Variants in ARHGAP26 observed in about 807,000 individuals in gnomAD.
The protein encoded by ARHGAP26 is rho GTPase-activating protein 26.
A neutral mutation model predicts 104.8 loss-of-function variants in ARHGAP26; 38 were observed. That is an observed-to-expected ratio of 0.36 (90% CI 0.28 to 0.48). The LOEUF (loss-of-function observed/expected upper bound fraction) is 0.48. ARHGAP26 is among the 20% of genes least tolerant of loss of function. The pLI, the probability that ARHGAP26 is intolerant of heterozygous loss-of-function variation, is 0.99. For synonymous variants in ARHGAP26, 341 were observed against 340.0 expected (o/e 1.00, Z -0.03); for missense variants, 704 against 947.9 (o/e 0.74, Z 3.38).
At chr5:143,057,508 A>G (rs1785999258) in intron 16 of ARHGAP26, 134 bp from the exon 17 acceptor site, 2 of 733,446 alleles carry the variant, frequency 2.7e-6, no homozygotes, top group Non-Finnish European at 4.7e-6. Context: ...CAGTATGCAC[A>G]CAAGACAGGA....
At chr5:143,147,098 A>C in intron 19 of ARHGAP26, 133 bp from the exon 20 acceptor site, 3 of 1,110,532 alleles carry the variant, frequency 2.7e-6, no homozygotes, top group Non-Finnish European at 3.8e-6. Context: ...AACCTTTTCT[A>C]TGTTGTTTCT....
At chr5:142,861,157 G>T (rs938690192) in intron 1 of ARHGAP26, among the ~76,000 whole-genome samples, 20 of 152,252 alleles carry the variant, frequency 1.3e-4, no homozygotes, top group African/African-American at 4.1e-4. Context: ...GGGAGGCGGG[G>T]AGCCTGGGGA....
At position 142,890,147 on chromosome 5, in the gene ARHGAP26, AAAAAATATATATATATAT is replaced by A. The variant is rs1433636863; in HGVS notation, c.487-4089_487-4072del. On this transcript the variant is annotated intron_variant, in intron 5 of 22. Transcript: ENST00000645722. ...GCGAAACTCCGTCTTAAAAAAAAAA[AAAAAATATATATATATAT>A]ATATATATATATATATATATATATA... Among the ~76,000 whole-genome samples the A allele has an allele frequency of 1.6e-3, 124 of 78,578 alleles. 2 individuals carry two copies. Among genetic ancestry groups the A allele is most frequent in the African/African-American group, 7.0e-3 (121 of 17,258 alleles). The allele number at this position is 78,578 out of a possible 152,430, so 51.6% of individuals were successfully genotyped here.
chr5:143,085,480 G>A (rs569591909), intron 17 of ARHGAP26, among the ~76,000 whole-genome samples: 1 of 152,290 alleles, frequency 6.6e-6, no homozygotes, highest in East Asian at 1.9e-4. Context: ...TGTCACAGGA[G>A]TACAGAGAGG....
At chr5:142,956,966 C>T (rs1237423545) in intron 11 of ARHGAP26, among the ~76,000 whole-genome samples, 1 of 152,160 alleles carries the variant, frequency 6.6e-6, no homozygotes, top group East Asian at 1.9e-4. Context: ...CCTCCCACAA[C>T]ACGTGAGAAT....
At chr5:142,825,881 A>G (rs149804938) in intron 1 of ARHGAP26, among the ~76,000 whole-genome samples, 2 of 152,326 alleles carry the variant, frequency 1.3e-5, no homozygotes, top group East Asian at 3.9e-4. Context: ...TCTGCCTGTA[A>G]CAATGTTGCC....
At chr5:142,963,198 A>ATATATATATATGTGTGTGTGTGTGTG (rs869247749) in intron 11 of ARHGAP26, among the ~76,000 whole-genome samples, 1 of 98,324 alleles carries the variant, frequency 1.0e-5, no homozygotes, top group African/African-American at 6.1e-5. Flanking sequence ...ATATATATAT[A>ATATATATATATGTGTGTGTGTGTGTG]TGTGTGTGTG....
At chr5:143,202,655 A>G (rs1370812282) in intron 20 of ARHGAP26, 3 of 152,244 alleles carry the variant, frequency 2.0e-5, no homozygotes, top group South Asian at 2.1e-4. Context: ...TGGAGGGAAC[A>G]TGCTACCTGG....
At chr5:142,850,250 G>A (rs114129574) in intron 1 of ARHGAP26, among the ~76,000 whole-genome samples, 1 of 152,128 alleles carries the variant, frequency 6.6e-6, no homozygotes, top group East Asian at 1.9e-4. Flanking sequence ...TCCCATAGGG[G>A]TTATTCTCCC....
intron 18 of ARHGAP26, among the ~76,000 whole-genome samples, chr5:143,126,206 C>T (rs1400422790): frequency 2.0e-5 from 3 of 152,056 alleles, no homozygotes; most frequent in African/African-American, 7.2e-5. Context: ...GTTTTCTAGG[C>T]AGAGAAAGAG....
At chr5:142,790,961 GA>G (rs1561845789) in intron 1 of ARHGAP26, among the ~76,000 whole-genome samples, 6 of 152,040 alleles carry the variant, frequency 3.9e-5, no homozygotes. Flanking sequence ...AAATGATGTC[GA>G]ATGTTCCTTT....
chr5:143,085,350 G>T (rs1431432924), intron 17 of ARHGAP26, among the ~76,000 whole-genome samples: 1 of 152,072 alleles, frequency 6.6e-6, no homozygotes, highest in Admixed American at 6.5e-5. Context: ...AGAGCATAGG[G>T]TCTCTAATTT....
At position 142,924,039 on chromosome 5, in the gene ARHGAP26, T is replaced by C. The variant is rs180753299; in HGVS notation, c.1029-8008T>C. Among the ~76,000 whole-genome samples, 193 of 152,142 alleles carry C rather than the reference T, an allele frequency of 1.3e-3. 1 individual carries two copies. The highest frequency in any genetic ancestry group is 4.3e-3 in the African/African-American group (178 of 41,516). ...ACCGCACCTGGCTAATTTTTTTGTA[T>C]TTTTAGTAGAGACGGGGTTTCACCG... On this transcript the variant is annotated intron_variant, in intron 10 of 22. Transcript: ENST00000645722.
In ARHGAP26 at chr5:143,223,609, A is replaced by G. The variant is rs1811437216; in HGVS notation, c.*1163A>G. The G allele has an allele frequency of 1.3e-5, 3 of 231,798 alleles. 1 individual carries two copies. The Admixed American group carries it at 1.7e-4, about 13-fold the overall frequency. The allele number at this position is 231,798 out of a possible 1,614,324, so 14.4% of individuals were successfully genotyped here. A position where few individuals can be genotyped will look rare whatever the true frequency, so the allele number is the denominator to read the frequency against. On this transcript the variant is annotated 3_prime_UTR_variant, in exon 23 of 23. Coordinates refer to ENST00000645722, the MANE Select transcript of ARHGAP26 (RefSeq NM_001135608.3). ...CTTGCCCTACTCTGGGCTGCTGAAC[A>G]CTGGTGCTGTGGTGGTTTTCAAGGT...
intron 20 of ARHGAP26, among the ~76,000 whole-genome samples, chr5:143,194,663 C>G (rs1806497841): frequency 6.6e-6 from 1 of 152,024 alleles, no homozygotes; most frequent in Admixed American, 6.6e-5. Flanking sequence ...TTTTGAAGGA[C>G]AAGAACTAGA....
At chr5:142,892,632 T>C (rs1283710759) in intron 5 of ARHGAP26, among the ~76,000 whole-genome samples, 1 of 149,980 alleles carries the variant, frequency 6.7e-6, no homozygotes, top group Non-Finnish European at 1.5e-5. Flanking sequence ...ACTTTTAACA[T>C]GTGACATACT....
chr5:142,976,281 A>C (rs1773076315), intron 11 of ARHGAP26, among the ~76,000 whole-genome samples: 1 of 152,364 alleles, frequency 6.6e-6, no homozygotes, highest in African/African-American at 2.4e-5. Flanking sequence ...GAAACCATTT[A>C]GAAAGCACCT....
At chr5:142,855,699 G>A (rs796169524) in intron 1 of ARHGAP26, among the ~76,000 whole-genome samples, 10 of 152,232 alleles carry the variant, frequency 6.6e-5, no homozygotes, top group South Asian at 4.1e-4. Context: ...CACTGTTCTC[G>A]GCCCTGGGTA....
rs113594227 is a variant in ARHGAP26, at chr5:142,880,677, G to T, written c.384+1232G>T. 9.2e-5 allele frequency among the ~76,000 whole-genome samples: 14 copies of T among 152,146 alleles called. 1 individual carries two copies. The highest frequency in any genetic ancestry group is 3.4e-4 in the African/African-American group (14 of 41,484). ...TGGAACTGTGAGTCAATTCAGCTGC[G>T]GTCTCTTACGCCACCTGCAGGGGCT... On this transcript the variant is annotated intron_variant, in intron 4 of 22. Transcript: ENST00000645722.
Sources: allele counts gnomAD v4.1 joint callset (sites outside exome capture counted in the v4.1 genomes callset), GRCh38; gene constraint gnomAD v4.1.1; transcripts MANE v1.5; gene names NCBI Gene and HGNC (gene_info 2026-07-23, HGNC 2026-07-21).